The following BCO1 variants were observed in gnomAD, a reference collection of about 807,000 sequenced individuals.
BCO1 encodes the protein beta,beta-carotene 15,15'-dioxygenase.
Under a neutral mutation model 56.3 loss-of-function variants are expected in BCO1, and 54 were observed. The observed-to-expected ratio is 0.96, with a 90% confidence interval of 0.77 to 1.20. BCO1 has a LOEUF of 1.20. BCO1 is among the 50% of genes most tolerant of loss of function. The probability of loss-of-function intolerance (pLI) is 0.00; values close to 1 mark genes in which losing one functional copy is unlikely to be tolerated. For missense variants in BCO1, 801 were observed against 690.9 expected, an observed-to-expected ratio of 1.16 and a Z score of -1.79; for synonymous variants, 318 against 266.1, an observed-to-expected ratio of 1.20 and a Z score of -1.90.
chr16:81,263,816 T>C (rs1297317308), intron 4 of BCO1: 4 of 152,268 alleles, frequency 2.6e-5, no homozygotes, highest in Non-Finnish European at 2.9e-5. Context: ...AAAATTCCGA[T>C]GTCTCTGCAA....
intron 10 of BCO1, among the ~76,000 whole-genome samples, chr16:81,290,140 G>A (rs1908382056): frequency 6.6e-6 from 1 of 152,180 alleles, no homozygotes; most frequent in Admixed American, 6.5e-5. Context: ...CGGGATTACA[G>A]GCGTGAGCCA....
At chr16:81,257,445 A>G (rs1906211402) in intron 2 of BCO1, among the ~76,000 whole-genome samples, 1 of 151,590 alleles carries the variant, frequency 6.6e-6, no homozygotes, top group African/African-American at 2.4e-5. Flanking sequence ...TTGCATTTTT[A>G]GTAGAGATGG....
At chr16:81,242,150 C>T (rs117491318) in intron 1 of BCO1, among the ~76,000 whole-genome samples, 7,236 of 148,756 alleles carry the variant, frequency 0.049, 298 homozygotes, top group Non-Finnish European at 0.071. Context: ...CTGTGCCTGG[C>T]GCCACGATTA....
intron 3 of BCO1, among the ~76,000 whole-genome samples, chr16:81,260,476 T>C (rs899970880): frequency 1.3e-5 from 2 of 152,104 alleles, no homozygotes; most frequent in Admixed American, 6.6e-5. Context: ...TTTTTTGCTG[T>C]ATATATTTTA....
Position 81,287,470 on chromosome 16 carries a change from C to T in BCO1, c.1414+64C>T, listed in dbSNP as rs187350787. The stretch of plus-strand genomic sequence containing the variant: ...ACTGCAGATCGCCCTCCAACAGAGA[C>T]ACCATCTGGGGGCAGCTGACCCCCC... On this transcript the variant is annotated intron_variant, in intron 10 of 10. Coordinates refer to ENST00000258168, the MANE Select transcript of BCO1 (RefSeq NM_017429.3). The T allele has an allele frequency of 9.0e-6, 12 of 1,329,898 alleles. No homozygotes were observed. In the East Asian group the frequency reaches 1.8e-4, roughly 20 times the overall value. 82.4% of individuals were successfully genotyped at this position (1,329,898 alleles called of 1,614,324 possible).
At chr16:81,253,420 C>T (rs1427014294) in intron 2 of BCO1, among the ~76,000 whole-genome samples, 9 of 152,164 alleles carry the variant, frequency 5.9e-5, no homozygotes, top group African/African-American at 1.9e-4. Flanking sequence ...TTGACTGTTA[C>T]CAAGGTCAAG....
chr16:81,277,002 G>A (rs552059534), intron 7 of BCO1, among the ~76,000 whole-genome samples: 97 of 150,674 alleles, frequency 6.4e-4, no homozygotes, highest in Middle Eastern at 3.4e-3. Flanking sequence ...GGGAGGCGGA[G>A]GTTGCAGTGA....
intron 2 of BCO1, among the ~76,000 whole-genome samples, chr16:81,255,510 AT>A (rs1567702257): frequency 1.5e-4 from 22 of 147,318 alleles, no homozygotes; most frequent in African/African-American, 5.6e-4. Context: ...TTTATTTTTT[AT>A]TTTTTTGAGA....
chr16:81,245,710 T>A, intron 2 of BCO1, 107 bp downstream of exon 2: 1 of 1,427,566 alleles, frequency 7.0e-7, no homozygotes, highest in African/African-American at 1.4e-5. Context: ...GTCAGAAGTC[T>A]AAATCGGGTC....
At chr16:81,272,779 T>C (rs1907315039) in intron 7 of BCO1, among the ~76,000 whole-genome samples, 1 of 152,218 alleles carries the variant, frequency 6.6e-6, no homozygotes, top group Admixed American at 6.5e-5. Context: ...GCCAGGTACT[T>C]TGCTAAGCAT....
intron 6 of BCO1, among the ~76,000 whole-genome samples, chr16:81,269,634 A>C (rs917475709): frequency 1.5e-4 from 23 of 152,010 alleles, no homozygotes; most frequent in African/African-American, 5.6e-4. Context: ...TGCCTGGCTA[A>C]TTTTTTGTAT....
chr16:81,262,357 T>A (rs1170222529), intron 4 of BCO1, 74 bp downstream of exon 4: 1 of 1,516,688 alleles, frequency 6.6e-7, no homozygotes, highest in African/African-American at 1.4e-5. Flanking sequence ...GGGGTGAGGT[T>A]GCTCAGCCTG....
intron 8 of BCO1, 23 bp downstream of exon 8, chr16:81,280,985 G>C (rs1256723524): frequency 6.4e-7 from 1 of 1,572,510 alleles, no homozygotes; most frequent in African/African-American, 1.3e-5. Context: ...CTCTTGTCCT[G>C]AGTTTAGGAA....
At chr16:81,269,048 G>A (rs1907012124) in intron 6 of BCO1, among the ~76,000 whole-genome samples, 1 of 146,340 alleles carries the variant, frequency 6.8e-6, no homozygotes, top group Non-Finnish European at 1.5e-5. Context: ...TTACATGTGT[G>A]AGCCATTGCA....
intron 2 of BCO1, among the ~76,000 whole-genome samples, chr16:81,251,826 A>T (rs1447749904): frequency 1.3e-5 from 2 of 150,636 alleles, no homozygotes; most frequent in African/African-American, 4.9e-5. Context: ...AGTTTCTTTT[A>T]TATATACCCA....
chr16:81,246,850 C>CAAAAAAAAAAAAAAG (rs1905450841), intron 2 of BCO1, among the ~76,000 whole-genome samples: 1 of 83,344 alleles, frequency 1.2e-5, no homozygotes, highest in Non-Finnish European at 2.4e-5. Flanking sequence ...GACTTTGTCT[C>CAAAAAAAAAAAAAAG]AAAAAAAAAA....
chr16:81,271,306 G>T (rs1355288615), intron 7 of BCO1, among the ~76,000 whole-genome samples: 1 of 151,446 alleles, frequency 6.6e-6, no homozygotes, highest in African/African-American at 2.4e-5. Flanking sequence ...GAAAAGACGG[G>T]GTTTCACCAT....
At chr16:81,249,455 A>G (rs1905647700) in intron 2 of BCO1, among the ~76,000 whole-genome samples, 1 of 152,020 alleles carries the variant, frequency 6.6e-6, no homozygotes, top group Non-Finnish European at 1.5e-5. Flanking sequence ...ACGGGGTTTC[A>G]CCGTGTTAGC....
intron 7 of BCO1, among the ~76,000 whole-genome samples, chr16:81,279,488 C>T (rs1351652697): frequency 6.6e-6 from 1 of 152,118 alleles, no homozygotes; most frequent in Non-Finnish European, 1.5e-5. Flanking sequence ...AATATAACAA[C>T]GTCATCAATA....
Sources: gnomAD v4.1 joint callset for allele counts (sites outside exome capture counted in the v4.1 genomes callset) on GRCh38, gnomAD v4.1.1 for gene constraint, MANE v1.5 for transcripts, NCBI Gene and HGNC (gene_info 2026-07-23, HGNC 2026-07-21) for gene names.